YAF2: variants seen among roughly 807,000 people sequenced by gnomAD.
YAF2 encodes the protein YY1-associated factor 2.
YAF2 carries 7 observed loss-of-function variants against 20.1 expected under a neutral mutation model. The ratio of observed to expected loss-of-function variants is 0.35; its 90% confidence interval spans 0.20 to 0.65. The LOEUF is 0.65. Ranked by LOEUF, YAF2 falls within the 30% of genes least tolerant of loss-of-function variation. The probability of loss-of-function intolerance (pLI) is 0.69; values close to 1 mark genes in which losing one functional copy is unlikely to be tolerated. For missense variants in YAF2, 151 were observed against 219.2 expected (o/e 0.69, Z 1.96); for synonymous variants, 74 against 76.0 (o/e 0.97, Z 0.14).
At chr12:42,170,770 T>G (rs1266961803) in intron 2 of YAF2, among the ~76,000 whole-genome samples, 1 of 152,130 alleles carries the variant, frequency 6.6e-6, no homozygotes, top group Non-Finnish European at 1.5e-5. Context: ...ACCTGAGCCT[T>G]GGGAGGTTGA....
chr12:42,204,529 C>A (rs542398062), intron 2 of YAF2, among the ~76,000 whole-genome samples: 64 of 152,202 alleles, frequency 4.2e-4, no homozygotes, highest in South Asian at 4.1e-3. Flanking sequence ...GGAGAATATG[C>A]ATAGGTTATA....
Position 42,205,941 on chromosome 12 carries a change from A to G in YAF2, c.152+31658T>C, listed in dbSNP as rs549800429. On this transcript the variant is annotated intron_variant, in intron 2 of 3. Transcript: ENST00000534854. ...ATTTTTTTAATTCTTGAAAATTCTT[A>G]ATCATTTTTCCTTTAATATTGCTTC... 805 of 385,412 alleles carry G rather than the reference A, an allele frequency of 2.1e-3. 5 individuals carry two copies. Among genetic ancestry groups the G allele is most frequent in the Non-Finnish European group, 3.2e-3 (621 of 194,456 alleles). The allele number at this position is 385,412 out of a possible 1,614,324, so 23.9% of individuals were successfully genotyped here.
intron 2 of YAF2, among the ~76,000 whole-genome samples, chr12:42,201,197 C>T (rs903456074): frequency 1.3e-5 from 2 of 152,142 alleles, no homozygotes; most frequent in South Asian, 4.1e-4. Flanking sequence ...CATGTACATT[C>T]CTCCTTGGGC....
intron 2 of YAF2, among the ~76,000 whole-genome samples, chr12:42,198,826 A>G (rs887475856): frequency 7.9e-5 from 12 of 152,188 alleles, no homozygotes; most frequent in African/African-American, 1.9e-4. Flanking sequence ...GCAGAATTAC[A>G]TAACACCAAA....
chr12:42,223,193 A>G (rs1040868084), intron 2 of YAF2, among the ~76,000 whole-genome samples: 3 of 152,126 alleles, frequency 2.0e-5, no homozygotes, highest in Non-Finnish European at 4.4e-5. Flanking sequence ...TAGTTGGGTG[A>G]AAGGTTTCTT....
intron 2 of YAF2, among the ~76,000 whole-genome samples, chr12:42,189,725 A>G (rs924285213): frequency 2.0e-5 from 3 of 152,108 alleles, no homozygotes; most frequent in Non-Finnish European, 2.9e-5. Context: ...TACATTTCTG[A>G]TTAGTATTAA....
intron 3 of YAF2, chr12:42,161,146 G>A (rs2065790789): frequency 3.1e-6 from 1 of 321,200 alleles, no homozygotes; most frequent in Non-Finnish European, 5.7e-6. Flanking sequence ...CAATGAAATA[G>A]TTGCACCATG....
intron 2 of YAF2, among the ~76,000 whole-genome samples, chr12:42,168,175 AT>A (rs972399859): frequency 0.04 from 4,978 of 125,934 alleles, 79 homozygotes; most frequent in African/African-American, 0.089. Context: ...GAAAGACAGC[AT>A]TTTTTTTTTT....
intron 2 of YAF2, among the ~76,000 whole-genome samples, chr12:42,214,474 G>A (rs1278785506): frequency 1.3e-5 from 2 of 151,626 alleles, no homozygotes; most frequent in Admixed American, 1.3e-4. Context: ...GTTTTGCCAC[G>A]TTGCCCAGGC....
chr12:42,186,673 A>T (rs1037103028), intron 2 of YAF2, among the ~76,000 whole-genome samples: 4 of 152,068 alleles, frequency 2.6e-5, no homozygotes, highest in African/African-American at 9.7e-5. Flanking sequence ...GCAAGACTCC[A>T]TCTCAAAAAG....
At chr12:42,226,964 C>T (rs1351937633) in intron 2 of YAF2, among the ~76,000 whole-genome samples, 29 of 149,240 alleles carry the variant, frequency 1.9e-4, no homozygotes, top group South Asian at 1.5e-3. Context: ...GGCTGCGCTG[C>T]GGCCCGGGGC....
intron 2 of YAF2, among the ~76,000 whole-genome samples, chr12:42,191,964 C>G (rs1233344691): frequency 6.6e-6 from 1 of 151,942 alleles, no homozygotes; most frequent in Admixed American, 6.6e-5. Flanking sequence ...CTCACTTGAA[C>G]CCAGGAGGAG....
chr12:42,230,529 G>A (rs1375956023), intron 2 of YAF2, among the ~76,000 whole-genome samples: 1 of 152,038 alleles, frequency 6.6e-6, no homozygotes, highest in Non-Finnish European at 1.5e-5. Context: ...TTTCAAAAAA[G>A]ATAATGAAGA....
intron 2 of YAF2, among the ~76,000 whole-genome samples, chr12:42,197,976 G>C (rs2066797808): frequency 6.6e-6 from 1 of 151,926 alleles, no homozygotes; most frequent in Admixed American, 6.6e-5. Flanking sequence ...GTTCTACTTT[G>C]CAATATGTTC....
At chr12:42,233,974 C>G in intron 2 of YAF2, 8 of 899,300 alleles carry the variant, frequency 8.9e-6, no homozygotes, top group Non-Finnish European at 1.1e-5. Flanking sequence ...AGTTTGAGAC[C>G]AGCCTGGCCA....
chr12:42,232,525 C>T lies in YAF2; in HGVS notation c.152+5074G>A. 7.1e-6 allele frequency: 7 copies of T among 985,354 alleles called. No individual in the cohort carries two copies. In the South Asian group the frequency reaches 2.8e-4, roughly 40 times the overall value. 61.0% of individuals were successfully genotyped at this position (985,354 alleles called of 1,614,324 possible). On this transcript the variant is annotated intron_variant, in intron 2 of 3. Coordinates refer to ENST00000534854, the MANE Select transcript of YAF2 (RefSeq NM_005748.6). The stretch of plus-strand genomic sequence containing the variant: ...CAAAAAACAAACAAGTAAGAAATCT[C>T]CTAGAATAAGGAGTCTCTGAACAAC...
chr12:42,237,042 T>TG (rs1486691388), intron 2 of YAF2, among the ~76,000 whole-genome samples: 1 of 152,236 alleles, frequency 6.6e-6, no homozygotes, highest in Non-Finnish European at 1.5e-5. Context: ...TCTGTTCCTG[T>TG]GACTGGGCTC....
intron 2 of YAF2, among the ~76,000 whole-genome samples, chr12:42,186,491 C>T (rs1407807638): frequency 6.6e-6 from 1 of 152,082 alleles, no homozygotes; most frequent in Non-Finnish European, 1.5e-5. Flanking sequence ...GCGTGACCAA[C>T]GTGGTGAAAC....
rs925628307 is a variant in YAF2, at chr12:42,168,240, G to A, written c.153-6475C>T. ...GTTGCCCGGGCTGGAGTGCAATGGC[G>A]CACTCTCAGCTCACTGCAACCTCCG... is the stretch of plus-strand genomic sequence containing the variant. On this transcript the variant is annotated intron_variant, in intron 2 of 3. Transcript: ENST00000534854. Among the ~76,000 whole-genome samples the A allele has an allele frequency of 2.7e-5, 4 of 148,588 alleles. 1 individual carries two copies. Among genetic ancestry groups the A allele is most frequent in the South Asian group, 4.3e-4 (2 of 4,670 alleles).
Sources: gnomAD v4.1 joint callset for allele counts (sites outside exome capture counted in the v4.1 genomes callset) on GRCh38, gnomAD v4.1.1 for gene constraint, MANE v1.5 for transcripts, NCBI Gene and HGNC (gene_info 2026-07-23, HGNC 2026-07-21) for gene names.